CAPZB: variants seen among roughly 807,000 people sequenced by gnomAD.
The protein encoded by CAPZB is F-actin-capping protein subunit beta.
CAPZB carries 2 observed loss-of-function variants against 38.1 expected under a neutral mutation model. The ratio of observed to expected loss-of-function variants is 0.05; its 90% CI spans 0.02 to 0.17. CAPZB has a LOEUF of 0.17. CAPZB is among the 10% of genes least tolerant of loss of function. The pLI is 1.00. For missense variants in CAPZB, 161 were observed against 334.2 expected, an observed-to-expected ratio of 0.48 and a Z score of 4.04; for synonymous variants, 107 against 127.4, an observed-to-expected ratio of 0.84 and a Z score of 1.08.
intron 4 of CAPZB, among the ~76,000 whole-genome samples, 174 bp downstream of exon 4, chr1:19,378,366 C>A (rs1021570561): frequency 6.6e-6 from 1 of 152,158 alleles, no homozygotes; most frequent in Non-Finnish European, 1.5e-5. Flanking sequence ...ATGGGAGGCT[C>A]CCAATTTTAG....
chr1:19,448,837 T>C, intron 1 of CAPZB: 1 of 1,612,864 alleles, frequency 6.2e-7, no homozygotes, highest in Non-Finnish European at 8.5e-7. Flanking sequence ...GTGTCACCTT[T>C]CTAGGTTCTG....
In CAPZB at chr1:19,353,426, CCT is replaced by C. The variant is rs368200891; in HGVS notation, c.588+3207_588+3208del. 1.9e-3 allele frequency among the ~76,000 whole-genome samples: 276 copies of C among 147,552 alleles called. 1 individual carries two copies. The highest frequency in any genetic ancestry group is 6.5e-3 in the African/African-American group (261 of 40,276). ...CACCTCACATCTTGGTCGTCCAGCC[CCT>C]GACCACGCCACGCCAGAATGCCCCC... On this transcript the variant is annotated intron_variant, in intron 6 of 8. Transcript: ENST00000264202.
At chr1:19,446,300 CCT>C (rs1021899894) in intron 1 of CAPZB, among the ~76,000 whole-genome samples, 5 of 151,414 alleles carry the variant, frequency 3.3e-5, no homozygotes, top group African/African-American at 1.2e-4. Flanking sequence ...GAAAACCACC[CCT>C]GACAACATGT....
chr1:19,423,600 C>A (rs1313910027), intron 1 of CAPZB, among the ~76,000 whole-genome samples: 1 of 148,316 alleles, frequency 6.7e-6, no homozygotes, highest in African/African-American at 2.5e-5. Context: ...GCTCAGCTCA[C>A]TGCAACCTCT....
chr1:19,448,578 G>A (rs534163893), intron 1 of CAPZB, among the ~76,000 whole-genome samples: 3 of 152,310 alleles, frequency 2.0e-5, no homozygotes, highest in South Asian at 4.1e-4. Context: ...CATGATAAAT[G>A]CTGTAGGGGT....
rs570080452 is a variant in CAPZB, at chr1:19,349,778, G to A, written c.589-4526C>T. 2.3e-3 allele frequency among the ~76,000 whole-genome samples: 355 copies of A among 152,224 alleles called. 2 individuals carry two copies. Among genetic ancestry groups the A allele is most frequent in the African/African-American group, 8.5e-3 (351 of 41,528 alleles). ...CGTAAATGGCCACGCAGCGGCTGGG[G>A]AGGGAAGGAGAAAGGTGCTTGGGGA... On this transcript the variant is annotated intron_variant, in intron 6 of 8. Transcript: ENST00000264202.
intron 1 of CAPZB, among the ~76,000 whole-genome samples, chr1:19,443,663 CACTCAGTGTCT>C (rs970721747): frequency 2.0e-5 from 3 of 152,178 alleles, no homozygotes; most frequent in Admixed American, 6.5e-5. Flanking sequence ...TTTGATGTGA[CACTCAGTGTCT>C]CCGGTGTGCC....
At chr1:19,375,113 C>T (rs1228233437) in intron 4 of CAPZB, among the ~76,000 whole-genome samples, 8 of 152,080 alleles carry the variant, frequency 5.3e-5, no homozygotes, top group Admixed American at 2.0e-4. Flanking sequence ...AACAGCCTCG[C>T]GGGGCACTCT....
At chr1:19,446,598 C>T (rs1033983721) in intron 1 of CAPZB, among the ~76,000 whole-genome samples, 30 of 150,226 alleles carry the variant, frequency 2.0e-4, no homozygotes, top group African/African-American at 7.1e-4. Flanking sequence ...AACAAAGATG[C>T]CCACTGCTCT....
At chr1:19,352,411 G>T (rs767459313) in intron 6 of CAPZB, among the ~76,000 whole-genome samples, 2 of 152,150 alleles carry the variant, frequency 1.3e-5, no homozygotes, top group Non-Finnish European at 2.9e-5. Context: ...ACATCTGCAG[G>T]GCCCTTCCCC....
intron 1 of CAPZB, among the ~76,000 whole-genome samples, chr1:19,479,376 G>A (rs1333171338): frequency 2.0e-5 from 3 of 152,198 alleles, no homozygotes; most frequent in Admixed American, 6.5e-5. Flanking sequence ...GTCACTGGCT[G>A]GATGGATCAC....
At chr1:19,360,564 C>T (rs2094047492) in intron 4 of CAPZB, among the ~76,000 whole-genome samples, 1 of 152,234 alleles carries the variant, frequency 6.6e-6, no homozygotes, top group South Asian at 2.1e-4. Flanking sequence ...CAGGAGAAAT[C>T]CCGATGGCCT....
chr1:19,457,222 T>C, intron 1 of CAPZB, among the ~76,000 whole-genome samples: 1 of 152,336 alleles, frequency 6.6e-6, no homozygotes, highest in Middle Eastern at 3.4e-3. Context: ...TACGGCTGAT[T>C]AGGCCCCTTA....
chr1:19,420,871 G>A lies in CAPZB; in HGVS notation c.4-1121C>T, dbSNP rs554837712. Among the ~76,000 whole-genome samples, 16 of 152,290 alleles carry A rather than the reference G, an allele frequency of 1.1e-4. 1 individual carries two copies. The highest frequency in any genetic ancestry group is 6.5e-4 in the Admixed American group (10 of 15,296). ...ATAAATAAATAAAGGGAGGGGGAGA[G>A]GAAGGGAACAGAGCGGAGGCAAGGC... On this transcript the variant is annotated intron_variant, in intron 1 of 8. Transcript: ENST00000264202.
chr1:19,437,754 C>T (rs534795016), intron 1 of CAPZB, among the ~76,000 whole-genome samples: 4 of 152,152 alleles, frequency 2.6e-5, no homozygotes, highest in Non-Finnish European at 5.9e-5. Context: ...CCCAGCAAAG[C>T]GAGCCTCAAA....
chr1:19,408,451 G>A (rs1230882217), intron 2 of CAPZB, among the ~76,000 whole-genome samples: 1 of 152,218 alleles, frequency 6.6e-6, no homozygotes, highest in Non-Finnish European at 1.5e-5. Context: ...AAGTCCTAGT[G>A]AGCCTTCTCT....
chr1:19,371,973 C>T (rs755914426), intron 4 of CAPZB, among the ~76,000 whole-genome samples: 3 of 152,178 alleles, frequency 2.0e-5, no homozygotes, highest in Non-Finnish European at 4.4e-5. Context: ...GAGCCCAGGC[C>T]GGGGGGTGGG....
chr1:19,399,740 T>TA (rs963391746), intron 2 of CAPZB, among the ~76,000 whole-genome samples: 4 of 151,982 alleles, frequency 2.6e-5, no homozygotes, highest in Non-Finnish European at 5.9e-5. Context: ...AGATTTTGCT[T>TA]AAAAAAAGGG....
At chr1:19,398,046 C>A (rs2094282053) in intron 2 of CAPZB, among the ~76,000 whole-genome samples, 2 of 152,108 alleles carry the variant, frequency 1.3e-5, no homozygotes, top group Admixed American at 6.5e-5. Flanking sequence ...AAACGAGACA[C>A]CTGAGGCAGA....
Sources: gnomAD v4.1 joint callset for allele counts (sites outside exome capture counted in the v4.1 genomes callset) on GRCh38, gnomAD v4.1.1 for gene constraint, MANE v1.5 for transcripts, NCBI Gene and HGNC (gene_info 2026-07-23, HGNC 2026-07-21) for gene names.